The following LPIN1 variants were observed in gnomAD, a reference collection of about 807,000 sequenced individuals.
LPIN1 encodes the protein phosphatidate phosphatase LPIN1.
In LPIN1, 71 loss-of-function variants were observed where a neutral mutation model predicts 107.5. The observed-to-expected ratio is 0.66, with a 90% CI of 0.55 to 0.80. The LOEUF (loss-of-function observed/expected upper bound fraction) is 0.80, where lower values mean the gene tolerates loss of function less well. Among genes scored for constraint, LPIN1 ranks in the 30% least tolerant of loss-of-function variants. The probability of loss-of-function intolerance (pLI) is 0.00; values close to 1 mark genes in which losing one functional copy is unlikely to be tolerated. For missense variants in LPIN1, 1,043 were observed against 1,160.6 expected (o/e 0.90, Z 1.47); for synonymous variants, 445 against 452.6 (o/e 0.98, Z 0.21).
chr2:11,782,150 C>G, intron 7 of LPIN1, 51 bp from the exon 8 acceptor site: 1 of 1,480,916 alleles, frequency 6.8e-7, no homozygotes. Flanking sequence ...TTCTGGTTGC[C>G]TTTGTGCTGA....
In LPIN1 at chr2:11,765,306, TG is replaced by T. The variant is rs1670653015; in HGVS notation, c.-9-225del. 6.6e-6 allele frequency among the ~76,000 whole-genome samples: 1 copy of T among 151,816 alleles called. No homozygotes were observed. The highest frequency in any genetic ancestry group is 1.9e-4 in the East Asian group (1 of 5,150). On this transcript the variant is annotated intron_variant, in intron 1 of 20. Transcript: ENST00000674199. This position sits in a 1 kb window ranked among gnomAD's most constrained non-coding sequence, Gnocchi z 4.4. ...CCTGATGGGCTGTGATGGGCCGTGA[TG>T]GACCCTGATGGGCCATGATGGACAC...
chr2:11,778,203 G>A (rs779843553), intron 6 of LPIN1, among the ~76,000 whole-genome samples: 4 of 152,204 alleles, frequency 2.6e-5, no homozygotes, highest in Non-Finnish European at 4.4e-5. Flanking sequence ...TCTGTTGGGA[G>A]CAGGGTGTCC....
intron 1 of LPIN1, among the ~76,000 whole-genome samples, chr2:11,733,683 G>C (rs1391342446): frequency 6.6e-6 from 1 of 152,048 alleles, no homozygotes; most frequent in African/African-American, 2.4e-5. Context: ...GTAGAGACAG[G>C]GTTTTGCCAT....
intron 13 of LPIN1, among the ~76,000 whole-genome samples, chr2:11,793,782 A>G (rs1048532011): frequency 6.6e-6 from 1 of 152,208 alleles, no homozygotes; most frequent in Non-Finnish European, 1.5e-5. Context: ...GTTGATAATT[A>G]TGTAATTACT....
At chr2:11,718,925 C>T (rs1328001929) in intron 2 of LPIN1, among the ~76,000 whole-genome samples, 5 of 152,176 alleles carry the variant, frequency 3.3e-5, no homozygotes, top group South Asian at 2.1e-4. Flanking sequence ...TGGCTAAGGA[C>T]GCAAGGAGTG....
intron 1 of LPIN1, among the ~76,000 whole-genome samples, chr2:11,749,473 C>A (rs1172164449): frequency 6.6e-6 from 1 of 152,178 alleles, no homozygotes; most frequent in African/African-American, 2.4e-5. Context: ...CACAGCTTTC[C>A]CCTGTCTGTC....
At chr2:11,739,305 C>A (rs1259265741) in intron 1 of LPIN1, among the ~76,000 whole-genome samples, 2 of 152,214 alleles carry the variant, frequency 1.3e-5, no homozygotes, top group African/African-American at 4.8e-5. Flanking sequence ...CCAGCCATCA[C>A]CTTGACTGCG....
chr2:11,760,670 G>A (rs1669671960), intron 1 of LPIN1, among the ~76,000 whole-genome samples: 1 of 152,148 alleles, frequency 6.6e-6, no homozygotes, highest in Non-Finnish European at 1.5e-5. Flanking sequence ...GGGAGACCGT[G>A]GAAAGAGGGA....
chr2:11,771,484 G>C lies in LPIN1; in HGVS notation c.401G>C (p.Ser134Thr), dbSNP rs1418565429. Reference protein sequence around the residue: ...SVDRMRGLDPSTPAQVIAPSE... With the variant: ...SVDRMRGLDPTTPAQVIAPSE... The stretch of plus-strand genomic sequence containing the variant: ...GACAGGATGAGAGGCCTGGACCCCA[G>C]CACGCCAGCCCAAGTGATCGCTCCC... Residue 134 changes from serine (S) to threonine (T), a missense_variant, in exon 4 of 21, where the codon AGC (serine) becomes ACC (threonine). By Grantham distance (58) the Ser-to-Thr change is moderately conservative. Coordinates refer to ENST00000674199, the MANE Select transcript of LPIN1 (RefSeq NM_001349206.2). The surrounding 1 kb of genome is among the most constrained non-coding windows in gnomAD (Gnocchi z 4.8). 6.2e-7 allele frequency: 1 copy of C among 1,614,238 alleles called. No individual in the cohort carries two copies.
chr2:11,735,343 G>A (rs533308961), intron 1 of LPIN1, among the ~76,000 whole-genome samples: 10 of 151,740 alleles, frequency 6.6e-5, no homozygotes, highest in Non-Finnish European at 1.3e-4. Context: ...GGGGGATAAT[G>A]TTCCTCTTAC....
In LPIN1 at chr2:11,824,812, G is replaced by C. The variant is rs1163153777; in HGVS notation, c.*21G>C. On this transcript the variant is annotated 3_prime_UTR_variant, in exon 21 of 21. Coordinates refer to ENST00000674199, the MANE Select transcript of LPIN1 (RefSeq NM_001349206.2). ...CGTAAAATGTCCCAAGCAGCCTCTT[G>C]CCAGCAGTGCAGAGCCTGGTTGTCA... 1.2e-6 allele frequency: 2 copies of C among 1,613,970 alleles called. No individual in the cohort carries two copies. The highest frequency in any genetic ancestry group is 1.7e-6 in the Non-Finnish European group (2 of 1,179,970).
intron 1 of LPIN1, among the ~76,000 whole-genome samples, chr2:11,754,527 T>G (rs538108199): frequency 6.6e-6 from 1 of 152,246 alleles, no homozygotes; most frequent in Non-Finnish European, 1.5e-5. Context: ...CTTTACCTTC[T>G]GAGAGGCTCT....
At chr2:11,686,768 A>C (rs1662027364) in intron 1 of LPIN1, among the ~76,000 whole-genome samples, 1 of 152,044 alleles carries the variant, frequency 6.6e-6, no homozygotes, top group Non-Finnish European at 1.5e-5. Context: ...CGCCCCTCAC[A>C]GTGTTTGCAG....
intron 1 of LPIN1, among the ~76,000 whole-genome samples, chr2:11,732,022 G>C (rs1305605755): frequency 6.6e-6 from 1 of 152,110 alleles, no homozygotes; most frequent in Non-Finnish European, 1.5e-5. Flanking sequence ...CCATTCTGTA[G>C]GTTGCCTGTT....
intron 9 of LPIN1, among the ~76,000 whole-genome samples, chr2:11,784,467 C>T (rs1347255050): frequency 2.0e-5 from 3 of 152,206 alleles, no homozygotes; most frequent in Non-Finnish European, 2.9e-5. Context: ...AGCCTGAGGT[C>T]ATGTTGTCCA....
intron 13 of LPIN1, among the ~76,000 whole-genome samples, chr2:11,793,004 C>G (rs965693940): frequency 5.3e-5 from 8 of 152,178 alleles, no homozygotes; most frequent in African/African-American, 1.9e-4. Flanking sequence ...TCTGCCCATG[C>G]GATGACTCCA....
At position 11,697,061 on chromosome 2, in the gene LPIN1, T is replaced by A. The variant is rs1662623370; in HGVS notation, c.82-16695T>A. Among the ~76,000 whole-genome samples the A allele has an allele frequency of 6.6e-6, 1 of 152,234 alleles. No homozygotes were observed. Among genetic ancestry groups the A allele is most frequent in the Admixed American group, 6.5e-5 (1 of 15,284 alleles). ...CCCCCACCTGTGGCCCAGGGAAGGC[T>A]CTTTGTTCCTCAGCCCCAAGCTGTA... On this transcript the variant is annotated intron_variant, in intron 1 of 21. Transcript: ENST00000449576. This position sits in a 1 kb window ranked among gnomAD's most constrained non-coding sequence, Gnocchi z 4.6.
In LPIN1 at chr2:11,707,663, G is replaced by A. The variant is rs756422871; in HGVS notation, c.82-6093G>A. Among the ~76,000 whole-genome samples the A allele has an allele frequency of 5.9e-5, 9 of 152,084 alleles. No individual in the cohort carries two copies. Among genetic ancestry groups the A allele is most frequent in the Non-Finnish European group, 8.8e-5 (6 of 68,006 alleles). ...GGTGCACGCACGGGGAGAAGTGCTC[G>A]GGGTCCCCCACTGGAGGTGGAGCTG... On this transcript the variant is annotated intron_variant, in intron 1 of 21. Transcript: ENST00000449576. This position sits in a 1 kb window ranked among gnomAD's most constrained non-coding sequence, Gnocchi z 4.2.
rs1161688394 is a variant in LPIN1 at position 11,804,566 on chromosome 2, T to C, written c.2157T>C (p.Ile719=). 3 of 1,614,086 alleles carry C rather than the reference T, an allele frequency of 1.9e-6. No homozygotes were observed. Among genetic ancestry groups the C allele is most frequent in the Non-Finnish European group, 2.5e-6 (3 of 1,180,050 alleles). ...KVIISDIDGT[I]TRSDTLGHIL... is the part of the protein sequence containing the mutation. ...TCATTTCTGATATTGATGGGACAATTACCAGGTAGGTCCTGCTGACTTGGG... is the reference window on the plus strand; with the variant it reads ...TCATTTCTGATATTGATGGGACAATCACCAGGTAGGTCCTGCTGACTTGGG... The change falls in exon 16 of 21, where the codon ATT becomes ATC. Residue 719 remains isoleucine (I), a synonymous_variant. Coordinates refer to ENST00000674199, the MANE Select transcript of LPIN1 (RefSeq NM_001349206.2).
Sources: gnomAD v4.1 joint callset for allele counts (sites outside exome capture counted in the v4.1 genomes callset) on GRCh38, gnomAD v4.1.1 for gene constraint, Gnocchi (gnomAD v3.1) non-coding constraint, MANE v1.5 for transcripts, NCBI Gene and HGNC (gene_info 2026-07-23, HGNC 2026-07-21) for gene names.